MAGI1: variants seen among roughly 807,000 people sequenced by gnomAD.
The protein encoded by MAGI1 is membrane-associated guanylate kinase, WW and PDZ domain-containing protein 1.
Under a neutral mutation model 139.9 loss-of-function variants are expected in MAGI1, and 58 were observed. The ratio of observed to expected loss-of-function variants is 0.41; its 90% CI spans 0.34 to 0.52. The LOEUF is 0.52. MAGI1 is among the 20% of genes least tolerant of loss of function. MAGI1 has a pLI of 0.12. For missense variants in MAGI1, 1,874 were observed against 1,901.6 expected (o/e 0.99, Z 0.27); for synonymous variants, 812 against 737.9 (o/e 1.10, Z -1.63).
intron 1 of MAGI1, among the ~76,000 whole-genome samples, chr3:65,959,798 C>CTTTTTTTT (rs33978400): frequency 2.5e-4 from 15 of 60,266 alleles, no homozygotes; most frequent in East Asian, 1.2e-3. Context: ...TAAATTCTCT[C>CTTTTTTTT]TTTTTTTTTT....
Position 65,509,328 on chromosome 3 carries a change from C to G in MAGI1, c.431-15697G>C, listed in dbSNP as rs150303608. Among the ~76,000 whole-genome samples, 82 of 152,298 alleles carry G rather than the reference C, an allele frequency of 5.4e-4. No individual in the cohort carries two copies. The East Asian group carries it at 0.015, about 28-fold the overall frequency. On this transcript the variant is annotated intron_variant, in intron 2 of 22. Coordinates refer to ENST00000402939, the MANE Select transcript of MAGI1 (RefSeq NM_001033057.2). ...CAAGATGGCCGAATAGGAACAGCTCCGGTCTACAGCTCCCAGCGTGAGCGA... is the reference window on the plus strand; with the variant it reads ...CAAGATGGCCGAATAGGAACAGCTCGGGTCTACAGCTCCCAGCGTGAGCGA...
chr3:65,497,218 G>C (rs1425727203), intron 2 of MAGI1, among the ~76,000 whole-genome samples: 2 of 152,094 alleles, frequency 1.3e-5, no homozygotes, highest in Non-Finnish European at 2.9e-5. Flanking sequence ...GAGACAGAAA[G>C]ATAAAATCTA....
At chr3:65,627,591 T>A (rs1413910205) in intron 1 of MAGI1, among the ~76,000 whole-genome samples, 2 of 136,308 alleles carry the variant, frequency 1.5e-5, no homozygotes, top group African/African-American at 5.4e-5. Context: ...CACTGCAAGT[T>A]CCGCCTCCCG....
intron 1 of MAGI1, among the ~76,000 whole-genome samples, chr3:65,909,283 G>T (rs551367489): frequency 6.6e-6 from 1 of 151,976 alleles, no homozygotes; most frequent in Admixed American, 6.6e-5. Flanking sequence ...TCAACATTTT[G>T]CAAGGCAGAA....
intron 1 of MAGI1, among the ~76,000 whole-genome samples, chr3:65,968,390 G>C (rs2064860689): frequency 6.6e-6 from 1 of 152,074 alleles, no homozygotes; most frequent in African/African-American, 2.4e-5. Flanking sequence ...GCAGAGGACA[G>C]GCTTAATGAA....
intron 2 of MAGI1, among the ~76,000 whole-genome samples, chr3:65,502,313 T>A (rs749329040): frequency 5.9e-5 from 9 of 152,256 alleles, no homozygotes; most frequent in Admixed American, 1.3e-4. Flanking sequence ...GTCTGAATTA[T>A]CCTATTATCA....
intron 1 of MAGI1, among the ~76,000 whole-genome samples, chr3:65,945,876 G>T (rs973912870): frequency 6.6e-6 from 1 of 152,164 alleles, no homozygotes; most frequent in Admixed American, 6.5e-5. Context: ...GCCAATCCCT[G>T]TTCTAGGTGC....
At chr3:65,402,715 G>T (rs1200646233) in intron 12 of MAGI1, among the ~76,000 whole-genome samples, 1 of 152,112 alleles carries the variant, frequency 6.6e-6, no homozygotes, top group Non-Finnish European at 1.5e-5. Flanking sequence ...AATATGAGGC[G>T]AGGCAAGGCA....
chr3:65,397,762 T>C (rs764788023), intron 13 of MAGI1, among the ~76,000 whole-genome samples: 1 of 152,174 alleles, frequency 6.6e-6, no homozygotes, highest in Non-Finnish European at 1.5e-5. Context: ...GATTACATTA[T>C]GTGCGTACTT....
At chr3:65,695,484 T>C (rs909905372) in intron 1 of MAGI1, among the ~76,000 whole-genome samples, 3 of 152,222 alleles carry the variant, frequency 2.0e-5, no homozygotes, top group African/African-American at 7.2e-5. Flanking sequence ...TCCCTCTGCT[T>C]AGACTGCCCA....
At chr3:65,410,647 G>A (rs976843888) in intron 12 of MAGI1, among the ~76,000 whole-genome samples, 7 of 152,160 alleles carry the variant, frequency 4.6e-5, no homozygotes, top group African/African-American at 1.4e-4. Context: ...TCATAACTGC[G>A]ACATGCATTT....
chr3:65,608,031 T>C (rs1361963550), intron 2 of MAGI1, among the ~76,000 whole-genome samples: 3 of 152,200 alleles, frequency 2.0e-5, no homozygotes, highest in South Asian at 4.1e-4. Flanking sequence ...CCCCATTCCA[T>C]AGAAGCAGCT....
At chr3:65,893,127 C>A (rs1490301692) in intron 1 of MAGI1, among the ~76,000 whole-genome samples, 1 of 152,168 alleles carries the variant, frequency 6.6e-6, no homozygotes, top group Non-Finnish European at 1.5e-5. Flanking sequence ...GGCTACAGTG[C>A]AGTTTCTGGC....
At chr3:65,496,395 T>C (rs900641449) in intron 2 of MAGI1, among the ~76,000 whole-genome samples, 7 of 152,072 alleles carry the variant, frequency 4.6e-5, no homozygotes, top group African/African-American at 1.7e-4. Flanking sequence ...TTTCGGAGAG[T>C]AGGGCAGGAG....
chr3:66,007,900 T>TC (rs1174839113), intron 1 of MAGI1, among the ~76,000 whole-genome samples: 2 of 150,542 alleles, frequency 1.3e-5, no homozygotes, highest in East Asian at 3.9e-4. Flanking sequence ...GATTTTTTTT[T>TC]TTTTTTTTTT....
chr3:65,657,479 GT>G (rs1456052556), intron 1 of MAGI1, among the ~76,000 whole-genome samples: 1 of 151,640 alleles, frequency 6.6e-6, no homozygotes, highest in African/African-American at 2.4e-5. Context: ...ATTAAGAGGA[GT>G]GGGGGAAGTG....
chr3:65,365,180 A>T (rs1312688344), intron 18 of MAGI1: 1 of 709,470 alleles, frequency 1.4e-6, no homozygotes, highest in East Asian at 2.7e-5. Flanking sequence ...CATCTCCACA[A>T]ATAAAACAGA....
intron 1 of MAGI1, among the ~76,000 whole-genome samples, chr3:66,015,210 A>C (rs2107524864): frequency 6.6e-6 from 1 of 152,152 alleles, no homozygotes; most frequent in East Asian, 1.9e-4. Context: ...TAAAAAATAA[A>C]AATAGAAATA....
chr3:65,470,624 G>T, intron 4 of MAGI1, 140 bp from the exon 5 acceptor site: 1 of 539,212 alleles, frequency 1.9e-6, no homozygotes, highest in Non-Finnish European at 3.3e-6. Flanking sequence ...CCTAATTCCT[G>T]GCCATTAACT....
Sources: gnomAD v4.1 joint callset for allele counts (sites outside exome capture counted in the v4.1 genomes callset) on GRCh38, gnomAD v4.1.1 for gene constraint, MANE v1.5 for transcripts, NCBI Gene and HGNC (gene_info 2026-07-23, HGNC 2026-07-21) for gene names.